Variants in PTRH2 observed in about 807,000 individuals in gnomAD.
The protein encoded by PTRH2 is peptidyl-tRNA hydrolase 2, also known as peptidyl-tRNA hydrolase 2, mitochondrial.
Under a neutral mutation model 12.3 loss-of-function variants are expected in PTRH2, and 10 were observed. The observed-to-expected ratio is 0.81, with a 90% CI of 0.50 to 1.38. The LOEUF (loss-of-function observed/expected upper bound fraction) is 1.38, where lower values mean the gene tolerates loss of function less well. PTRH2 is among the 40% of genes most tolerant of loss of function. PTRH2 has a pLI of 0.00. For synonymous variants in PTRH2, 73 were observed against 77.4 expected (o/e 0.94, Z 0.30); for missense variants, 176 against 214.1 (o/e 0.82, Z 1.11).
intron 1 of PTRH2, among the ~76,000 whole-genome samples, chr17:59,704,767 C>A (rs1483088744): frequency 6.6e-6 from 1 of 152,082 alleles, no homozygotes; most frequent in Admixed American, 6.5e-5. Flanking sequence ...GCCCCCACCC[C>A]CTAAAAGAGA....
At chr17:59,698,746 C>T (rs2033498555) in intron 1 of PTRH2, 1 of 636,176 alleles carries the variant, frequency 1.6e-6, no homozygotes, top group Admixed American at 2.5e-5. Flanking sequence ...GTGCTCAGAA[C>T]ACTTACATTA....
At position 59,699,079 on chromosome 17, in the gene PTRH2, G is replaced by C. The variant is rs904507685; in HGVS notation, c.1-1101C>G. 18 of 560,544 alleles carry C rather than the reference G, an allele frequency of 3.2e-5. No homozygotes were observed. In the Admixed American group the frequency reaches 4.1e-4, roughly 13 times the overall value. The allele number at this position is 560,544 out of a possible 1,614,324, so 34.7% of individuals were successfully genotyped here. ...GTGTTGTTCTTCAGGAAGATACCAA[G>C]TTTTGACCGTACAGCTTGTTTCTTC... On this transcript the variant is annotated intron_variant, in intron 1 of 1. Coordinates refer to ENST00000393038, the MANE Select transcript of PTRH2 (RefSeq NM_016077.5).
chr17:59,703,557 T>C (rs2033591255), intron 1 of PTRH2, among the ~76,000 whole-genome samples: 1 of 152,066 alleles, frequency 6.6e-6, no homozygotes, highest in Non-Finnish European at 1.5e-5. Context: ...CATGCTGGAG[T>C]GCAATGGCAC....
Position 59,697,340 on chromosome 17 carries a change from G to GA in PTRH2, c.*98dup. On this transcript the variant is annotated 3_prime_UTR_variant, in exon 2 of 2. Coordinates refer to ENST00000393038, the MANE Select transcript of PTRH2 (RefSeq NM_016077.5). ...GGAATAGGTTTTATTTTCATCTCAA[G>GA]AACATTTAAGTTGGGTGAAGAAATT... 7.4e-7 allele frequency: 1 copy of GA among 1,355,422 alleles called. No individual in the cohort carries two copies. The highest frequency in any genetic ancestry group is 1.0e-6 in the Non-Finnish European group (1 of 993,326). 84.0% of individuals were successfully genotyped at this position (1,355,422 alleles called of 1,614,324 possible). A position where few individuals can be genotyped will look rare whatever the true frequency, so the allele number is the denominator to read the frequency against.
Position 59,697,337 on chromosome 17 carries a change from C to G in PTRH2, c.*102G>C, listed in dbSNP as rs1372007403. 1 of 1,351,548 alleles carries G rather than the reference C, an allele frequency of 7.4e-7. No individual in the cohort carries two copies. The highest frequency in any genetic ancestry group is 1.0e-6 in the Non-Finnish European group (1 of 991,162). 83.7% of individuals were successfully genotyped at this position (1,351,548 alleles called of 1,614,324 possible). A position where few individuals can be genotyped will look rare whatever the true frequency, so the allele number is the denominator to read the frequency against. On this transcript the variant is annotated 3_prime_UTR_variant, in exon 2 of 2. Coordinates refer to ENST00000393038, the MANE Select transcript of PTRH2 (RefSeq NM_016077.5). Reference sequence around the variant, plus strand: ...ATGGGAATAGGTTTTATTTTCATCTCAAGAACATTTAAGTTGGGTGAAGAA... The same window carrying G: ...ATGGGAATAGGTTTTATTTTCATCTGAAGAACATTTAAGTTGGGTGAAGAA...
At chr17:59,698,200 T>G in intron 1 of PTRH2, 1 of 546,224 alleles carries the variant, frequency 1.8e-6, no homozygotes, top group Non-Finnish European at 3.2e-6. Flanking sequence ...TAGGTCATTT[T>G]GAATCTTGAT....
At chr17:59,705,799 T>C (rs527314064) in intron 1 of PTRH2, among the ~76,000 whole-genome samples, 5 of 151,770 alleles carry the variant, frequency 3.3e-5, no homozygotes, top group African/African-American at 1.2e-4. Flanking sequence ...TACTCCCAGC[T>C]ACTCAGGGGA....
At chr17:59,705,794 C>T (rs2033635970) in intron 1 of PTRH2, among the ~76,000 whole-genome samples, 1 of 151,890 alleles carries the variant, frequency 6.6e-6, no homozygotes, top group East Asian at 1.9e-4. Flanking sequence ...GCCCATACTC[C>T]CAGCTACTCA....
intron 1 of PTRH2, chr17:59,699,497 T>G (rs1403344805): frequency 6.5e-6 from 1 of 153,490 alleles, no homozygotes; most frequent in East Asian, 1.9e-4. Context: ...CTTTAAACAT[T>G]TGTGTATATG....
chr17:59,699,050 C>T (rs1251818500), intron 1 of PTRH2: 2 of 584,316 alleles, frequency 3.4e-6, no homozygotes, highest in Non-Finnish European at 6.1e-6. Context: ...GTTTAGCAAG[C>T]ATAGTGTTGT....
intron 1 of PTRH2, among the ~76,000 whole-genome samples, chr17:59,706,675 C>CT (rs34194454): frequency 1.6e-4 from 22 of 138,928 alleles, no homozygotes; most frequent in Admixed American, 2.9e-4. Context: ...TTTTTTCTTT[C>CT]TTTTTTTTTT....
intron 1 of PTRH2, among the ~76,000 whole-genome samples, chr17:59,706,667 TTTTC>T (rs1442036086): frequency 1.1e-5 from 1 of 92,164 alleles, no homozygotes; most frequent in African/African-American, 5.0e-5. Flanking sequence ...GGGGGAAATT[TTTTC>T]TTTCTTTTTT....
At chr17:59,706,335 C>A (rs1258253289) in intron 1 of PTRH2, among the ~76,000 whole-genome samples, 3 of 152,132 alleles carry the variant, frequency 2.0e-5, no homozygotes, top group Admixed American at 1.3e-4. Context: ...TCCTTCTGCA[C>A]CATGCTCCAC....
intron 1 of PTRH2, chr17:59,698,911 T>C (rs1440369844): frequency 2.8e-6 from 2 of 715,784 alleles, no homozygotes; most frequent in African/African-American, 3.5e-5. Context: ...TCCTGAAAAA[T>C]GTTTGAAGCA....
intron 1 of PTRH2, among the ~76,000 whole-genome samples, chr17:59,702,691 T>C (rs899127650): frequency 1.2e-4 from 18 of 152,230 alleles, no homozygotes; most frequent in African/African-American, 3.9e-4. Flanking sequence ...TCTATAGGAA[T>C]TGTCTTCTTT....
chr17:59,702,862 C>T (rs7225024), intron 1 of PTRH2, among the ~76,000 whole-genome samples: 6 of 151,974 alleles, frequency 3.9e-5, no homozygotes, highest in African/African-American at 2.4e-5. Context: ...CAGTATTCAA[C>T]GAATTACATG....
Position 59,697,371 on chromosome 17 carries a change from T to TTTG in PTRH2, c.*65_*67dup. The TTTG allele has an allele frequency of 6.8e-7, 1 of 1,475,034 alleles. No individual in the cohort carries two copies. The highest frequency in any genetic ancestry group is 9.1e-7 in the Non-Finnish European group (1 of 1,093,084). The allele number at this position is 1,475,034 out of a possible 1,614,324, so 91.4% of individuals were successfully genotyped here. A position where few individuals can be genotyped will look rare whatever the true frequency, so the allele number is the denominator to read the frequency against. ...TTAAGTTGGGTGAAGAAATTCAGCT[T>TTTG]TTGTTGTTAGAATCTGACAGGCTTC... On this transcript the variant is annotated 3_prime_UTR_variant, in exon 2 of 2. Transcript: ENST00000393038.
chr17:59,698,118 AC>A, intron 1 of PTRH2, 140 bp from the exon 2 acceptor site: 1 of 827,096 alleles, frequency 1.2e-6, no homozygotes, highest in South Asian at 1.8e-5. Flanking sequence ...TTATGCCTGC[AC>A]CCTGTTTCCA....
intron 1 of PTRH2, chr17:59,699,020 G>A: frequency 3.2e-6 from 2 of 631,162 alleles, no homozygotes; most frequent in Non-Finnish European, 5.7e-6. Context: ...AAGGCATTGG[G>A]ACATCAACAC....
Sources: gnomAD v4.1 joint callset for allele counts (sites outside exome capture counted in the v4.1 genomes callset) on GRCh38, gnomAD v4.1.1 for gene constraint, MANE v1.5 for transcripts, NCBI Gene and HGNC (gene_info 2026-07-23, HGNC 2026-07-21) for gene names.